The following CSMD1 variants were observed in gnomAD, a reference collection of about 807,000 sequenced individuals.
CSMD1 encodes the protein CUB and Sushi multiple domains 1.
A neutral mutation model predicts 417.5 loss-of-function variants in CSMD1; 213 were observed. The observed-to-expected ratio is 0.51, with a 90% CI of 0.46 to 0.57. The LOEUF (loss-of-function observed/expected upper bound fraction) is 0.57. Among genes scored for constraint, CSMD1 ranks in the 20% least tolerant of loss-of-function variants. The pLI is 0.00. For synonymous variants in CSMD1, 2,862 were observed against 1,736.8 expected, an observed-to-expected ratio of 1.65 and a Z score of -16.11; for missense variants, 6,923 against 4,529.7, an observed-to-expected ratio of 1.53 and a Z score of -15.17.
At chr8:3,840,986 C>T (rs2129094110) in intron 5 of CSMD1, among the ~76,000 whole-genome samples, 1 of 152,136 alleles carries the variant, frequency 6.6e-6, no homozygotes, top group African/African-American at 2.4e-5. Context: ...AGATTACAGG[C>T]ATGAACCACT....
At chr8:3,869,546 T>A (rs1364627879) in intron 5 of CSMD1, among the ~76,000 whole-genome samples, 1 of 152,136 alleles carries the variant, frequency 6.6e-6, no homozygotes, top group East Asian at 1.9e-4. Context: ...TTCCTGAGAG[T>A]GCCTGACTTG....
At chr8:3,595,679 C>T (rs962585322) in intron 8 of CSMD1, among the ~76,000 whole-genome samples, 1 of 152,166 alleles carries the variant, frequency 6.6e-6, no homozygotes, top group Non-Finnish European at 1.5e-5. Context: ...ACCGCATTGA[C>T]AATGAGGTGT....
At position 4,098,901 on chromosome 8, in the gene CSMD1, G is replaced by A. The variant is rs114018116; in HGVS notation, c.416-66802C>T. Among the ~76,000 whole-genome samples the A allele has an allele frequency of 5.2e-3, 787 of 152,194 alleles. 6 individuals are homozygous for A. The highest frequency in any genetic ancestry group is 0.018 in the African/African-American group (752 of 41,512). The stretch of plus-strand genomic sequence containing the variant: ...AGAAAGCACTGAGGACCAACTGTGG[G>A]TTAGAACCAGTATTAGAGACTGGGG... On this transcript the variant is annotated intron_variant, in intron 3 of 69. Transcript: ENST00000635120.
intron 1 of CSMD1, among the ~76,000 whole-genome samples, chr8:4,840,002 C>T (rs991345031): frequency 6.6e-6 from 1 of 152,148 alleles, no homozygotes; most frequent in Non-Finnish European, 1.5e-5. Flanking sequence ...CTTACAGGTG[C>T]TTTTTGTCCT....
At chr8:3,310,613 T>A (rs1246646695) in intron 23 of CSMD1, among the ~76,000 whole-genome samples, 1 of 152,158 alleles carries the variant, frequency 6.6e-6, no homozygotes, top group East Asian at 1.9e-4. Flanking sequence ...AAAATCGGGG[T>A]GTAAAAAACT....
intron 3 of CSMD1, among the ~76,000 whole-genome samples, chr8:4,206,239 C>T (rs575896844): frequency 1.3e-5 from 2 of 152,028 alleles, no homozygotes; most frequent in African/African-American, 2.4e-5. Context: ...TACATGTGCA[C>T]AAGGGGCAGG....
intron 3 of CSMD1, among the ~76,000 whole-genome samples, chr8:4,416,079 C>G (rs1182941378): frequency 6.6e-6 from 1 of 152,138 alleles, no homozygotes; most frequent in Non-Finnish European, 1.5e-5. Flanking sequence ...TGAATAAAGT[C>G]TTTGCCAATT....
intron 5 of CSMD1, among the ~76,000 whole-genome samples, chr8:3,855,092 C>T (rs1000575411): frequency 6.6e-6 from 1 of 152,100 alleles, no homozygotes. Context: ...GAGTATTTAC[C>T]TACTACTCTT....
intron 6 of CSMD1, among the ~76,000 whole-genome samples, chr8:3,709,680 G>GTTTTTGTTTTT (rs1801387837): frequency 3.0e-5 from 1 of 33,694 alleles, no homozygotes; most frequent in Non-Finnish European, 5.7e-5. Context: ...GCAGCAGCAT[G>GTTTTTGTTTTT]TTTTTTTTTT....
chr8:3,700,136 G>T lies in CSMD1; in HGVS notation c.1009+8278C>A, dbSNP rs373557396. ...AGTGGGAGTGGGGCGAGGGATAAAAGACAACAAATATGGTGCAGCGTATAC... is the reference window on the plus strand; with the variant it reads ...AGTGGGAGTGGGGCGAGGGATAAAATACAACAAATATGGTGCAGCGTATAC... On this transcript the variant is annotated intron_variant, in intron 7 of 69. Coordinates refer to ENST00000635120, the MANE Select transcript of CSMD1 (RefSeq NM_033225.6). Among the ~76,000 whole-genome samples, 15 of 152,270 alleles carry T rather than the reference G, an allele frequency of 9.9e-5. No individual in the cohort carries two copies. In the East Asian group the frequency reaches 2.5e-3, roughly 26 times the overall value.
chr8:4,027,576 T>C (rs1797127566), intron 4 of CSMD1, among the ~76,000 whole-genome samples: 1 of 152,154 alleles, frequency 6.6e-6, no homozygotes, highest in Admixed American at 6.5e-5. Flanking sequence ...AACTGCATGG[T>C]TCCTGAGGCC....
At chr8:4,301,540 A>C (rs1797981665) in intron 3 of CSMD1, among the ~76,000 whole-genome samples, 1 of 152,190 alleles carries the variant, frequency 6.6e-6, no homozygotes, top group African/African-American at 2.4e-5. Flanking sequence ...TCTGGGTGCA[A>C]TGTTTTGGAA....
intron 3 of CSMD1, among the ~76,000 whole-genome samples, chr8:4,260,658 A>G (rs1226282801): frequency 5.3e-5 from 8 of 152,196 alleles, no homozygotes; most frequent in African/African-American, 7.2e-5. Flanking sequence ...TGATTTTCAT[A>G]TAATTTCAGT....
At chr8:3,397,876 C>G (rs1021166246) in intron 16 of CSMD1, among the ~76,000 whole-genome samples, 1 of 152,166 alleles carries the variant, frequency 6.6e-6, no homozygotes, top group Non-Finnish European at 1.5e-5. Flanking sequence ...AGAATTTGTG[C>G]GCACAATCCC....
intron 3 of CSMD1, among the ~76,000 whole-genome samples, chr8:4,182,382 T>G (rs1798428929): frequency 1.3e-5 from 2 of 152,130 alleles, no homozygotes; most frequent in Non-Finnish European, 2.9e-5. Context: ...TATTATCTTT[T>G]AAAACTTATT....
At chr8:4,845,234 C>G (rs1326217964) in intron 1 of CSMD1, among the ~76,000 whole-genome samples, 4 of 152,062 alleles carry the variant, frequency 2.6e-5, no homozygotes, top group Non-Finnish European at 5.9e-5. Flanking sequence ...TTGTACTGTT[C>G]AGTATTATAT....
At position 3,472,026 on chromosome 8, in the gene CSMD1, A is replaced by G. The variant is rs73660041; in HGVS notation, c.1449-3202T>C. On this transcript the variant is annotated intron_variant, in intron 11 of 69. Transcript: ENST00000635120. ...CCCACTTTACACCCCTTTCACTTTG[A>G]GACTTATGCCACCATGCAACATGAC... 2.1e-3 allele frequency among the ~76,000 whole-genome samples: 321 copies of G among 152,054 alleles called. 5 individuals are homozygous for G. The highest frequency in any genetic ancestry group is 7.4e-3 in the African/African-American group (308 of 41,512).
intron 2 of CSMD1, among the ~76,000 whole-genome samples, chr8:4,439,523 T>C (rs979425849): frequency 2.0e-5 from 3 of 152,122 alleles, no homozygotes; most frequent in African/African-American, 7.2e-5. Context: ...CATATATGCA[T>C]ACATTTGAAA....
chr8:3,349,772 TATA>T (rs1238216821), intron 21 of CSMD1, among the ~76,000 whole-genome samples: 2 of 139,838 alleles, frequency 1.4e-5, no homozygotes, highest in African/African-American at 5.2e-5. Flanking sequence ...ATAAAATAGA[TATA>T]AGTCTAAATA....
Sources: allele counts gnomAD v4.1 joint callset (sites outside exome capture counted in the v4.1 genomes callset), GRCh38; gene constraint gnomAD v4.1.1; transcripts MANE v1.5; gene names NCBI Gene and HGNC (gene_info 2026-07-23, HGNC 2026-07-21).